SNX29: variants seen among roughly 807,000 people sequenced by gnomAD.
SNX29 encodes sorting nexin-29.
SNX29 carries 78 observed loss-of-function variants against 102.1 expected under a neutral mutation model. That is an observed-to-expected ratio of 0.76 (90% CI 0.64 to 0.92). The LOEUF (loss-of-function observed/expected upper bound fraction) is 0.92, where lower values mean the gene tolerates loss of function less well. Among genes scored for constraint, SNX29 ranks in the 40% least tolerant of loss-of-function variants. The pLI is 0.00. For missense variants in SNX29, 1,280 were observed against 1,061.7 expected, an observed-to-expected ratio of 1.21 and a Z score of -2.86; for synonymous variants, 580 against 414.5, an observed-to-expected ratio of 1.40 and a Z score of -4.85.
In SNX29 at chr16:12,572,775, C is replaced by G; in HGVS notation, c.*4146C>G. The G allele has an allele frequency of 2.8e-6, 3 of 1,063,788 alleles. No homozygotes were observed. Among genetic ancestry groups the G allele is most frequent in the Non-Finnish European group, 3.4e-6 (3 of 878,276 alleles). 65.9% of individuals were successfully genotyped at this position (1,063,788 alleles called of 1,614,324 possible). A position where few individuals can be genotyped will look rare whatever the true frequency, so the allele number is the denominator to read the frequency against. On this transcript the variant is annotated 3_prime_UTR_variant, in exon 21 of 21. Transcript: ENST00000566228. ...CAGCTTCTGGGACCCGAGGAAGACCCCACCTCACTCCTCCTTCCCCAGTAC... is the reference window on the plus strand; with the variant it reads ...CAGCTTCTGGGACCCGAGGAAGACCGCACCTCACTCCTCCTTCCCCAGTAC...
At chr16:12,411,339 T>A (rs1014112909) in intron 18 of SNX29, among the ~76,000 whole-genome samples, 2 of 152,164 alleles carry the variant, frequency 1.3e-5, no homozygotes, top group African/African-American at 4.8e-5. Context: ...CACTTGCCCT[T>A]GTTCTTGCTG....
intron 20 of SNX29, among the ~76,000 whole-genome samples, chr16:12,558,592 T>A (rs12932763): frequency 0.21 from 31,842 of 152,110 alleles, 3,472 homozygotes; most frequent in East Asian, 0.43. Flanking sequence ...CACCTGTCAC[T>A]CTCTGCCACA....
chr16:12,120,033 C>G (rs2053907127), intron 11 of SNX29, among the ~76,000 whole-genome samples: 1 of 152,090 alleles, frequency 6.6e-6, no homozygotes, highest in African/African-American at 2.4e-5. Context: ...AATAGAAACT[C>G]TGGGTGGGCT....
chr16:12,142,383 T>C (rs370597815), intron 13 of SNX29, among the ~76,000 whole-genome samples: 2 of 151,374 alleles, frequency 1.3e-5, no homozygotes, highest in Admixed American at 6.6e-5. Context: ...GGTCTCATGA[T>C]GTACCCCAGA....
At chr16:12,422,595 G>A (rs75840794) in intron 18 of SNX29, among the ~76,000 whole-genome samples, 1,716 of 152,260 alleles carry the variant, frequency 0.011, 41 homozygotes, top group African/African-American at 0.039. Context: ...CCCACCTCCT[G>A]TTGTCTGGGC....
intron 20 of SNX29, among the ~76,000 whole-genome samples, chr16:12,559,621 G>A (rs2078597876): frequency 6.6e-6 from 1 of 151,970 alleles, no homozygotes; most frequent in Admixed American, 6.6e-5. Flanking sequence ...ACGTGACCTT[G>A]CACATGGCCC....
intron 18 of SNX29, among the ~76,000 whole-genome samples, chr16:12,413,259 A>C (rs549058535): frequency 5.6e-4 from 85 of 152,240 alleles, no homozygotes; most frequent in African/African-American, 1.3e-3. Flanking sequence ...AAAACAGTGA[A>C]GGGCATAGCC....
At position 12,511,704 on chromosome 16, in the gene SNX29, C is replaced by T. The variant is rs144621133; in HGVS notation, c.2179-12998C>T. 1.5e-3 allele frequency among the ~76,000 whole-genome samples: 232 copies of T among 150,952 alleles called. 1 individual carries two copies. The highest frequency in any genetic ancestry group is 5.4e-3 in the African/African-American group (222 of 41,112). ...TACCGCGTGAATGCTGTGGTGTAGT[C>T]TCCGAGCTCTTTCATGGGTATTCCT... is the stretch of plus-strand genomic sequence containing the variant. On this transcript the variant is annotated intron_variant, in intron 19 of 20. Transcript: ENST00000566228.
At position 12,547,407 on chromosome 16, in the gene SNX29, T is replaced by G. The variant is rs142914956; in HGVS notation, c.2319-21099T>G. On this transcript the variant is annotated intron_variant, in intron 20 of 20. Coordinates refer to ENST00000566228, the MANE Select transcript of SNX29 (RefSeq NM_032167.5). ...TTGTTATGGGTGATAGAACAGGTAG[T>G]TAGGGGACCATGTGGGCACCCCGGG... Among the ~76,000 whole-genome samples the G allele has an allele frequency of 6.7e-3, 1,017 of 152,192 alleles. 15 individuals carry two copies. The highest frequency in any genetic ancestry group is 0.024 in the African/African-American group (976 of 41,522).
rs2079210501 is a variant in SNX29, at chr16:12,572,573, C to A, written c.*3944C>A. On this transcript the variant is annotated 3_prime_UTR_variant, in exon 21 of 21. Coordinates refer to ENST00000566228, the MANE Select transcript of SNX29 (RefSeq NM_032167.5). ...TCTGGCTCCTCACAGGGAGGTCCAG[C>A]CATGTTCTCTGGGCTCCCAGTGAGC... is the stretch of plus-strand genomic sequence containing the variant. 1 of 1,064,154 alleles carries A rather than the reference C, an allele frequency of 9.4e-7. No individual in the cohort carries two copies. Among genetic ancestry groups the A allele is most frequent in the Non-Finnish European group, 1.1e-6 (1 of 878,494 alleles). The allele number at this position is 1,064,154 out of a possible 1,614,324, so 65.9% of individuals were successfully genotyped here.
chr16:12,486,062 C>A (rs910030106), intron 19 of SNX29, among the ~76,000 whole-genome samples: 2 of 152,208 alleles, frequency 1.3e-5, no homozygotes, highest in African/African-American at 4.8e-5. Flanking sequence ...AAGGCGTCAG[C>A]GAGGCTGCAT....
chr16:12,474,014 C>A (rs2087478479), intron 18 of SNX29, among the ~76,000 whole-genome samples: 1 of 152,134 alleles, frequency 6.6e-6, no homozygotes, highest in East Asian at 1.9e-4. Flanking sequence ...TACAGACTCG[C>A]CGTAAATTCT....
intron 11 of SNX29, among the ~76,000 whole-genome samples, chr16:12,082,288 T>A (rs2051939461): frequency 6.6e-6 from 1 of 152,126 alleles, no homozygotes; most frequent in South Asian, 2.1e-4. Context: ...CAGGCATCCC[T>A]GTGTGCCCTG....
At chr16:12,327,538 T>C (rs1030687309) in intron 15 of SNX29, among the ~76,000 whole-genome samples, 9 of 152,176 alleles carry the variant, frequency 5.9e-5, no homozygotes, top group Non-Finnish European at 1.0e-4. Flanking sequence ...AAGAGGAGAT[T>C]AACAGTCGTG....
At chr16:12,526,738 G>C (rs1442951668) in intron 20 of SNX29, 1 of 457,596 alleles carries the variant, frequency 2.2e-6, no homozygotes, top group Non-Finnish European at 4.2e-6. Context: ...GATGCTGAGA[G>C]TGTGAGCAGG....
intron 19 of SNX29, among the ~76,000 whole-genome samples, chr16:12,492,124 G>A (rs1471500071): frequency 7.9e-5 from 12 of 152,194 alleles, no homozygotes; most frequent in Non-Finnish European, 1.5e-4. Flanking sequence ...CACAATGGTT[G>A]AACTAGTTTA....
intron 18 of SNX29, among the ~76,000 whole-genome samples, chr16:12,452,106 G>A (rs2086326395): frequency 6.6e-6 from 1 of 152,154 alleles, no homozygotes; most frequent in Admixed American, 6.6e-5. Flanking sequence ...CCACCCTGAG[G>A]GATTATCATG....
At chr16:12,107,679 T>G (rs1457821347) in intron 11 of SNX29, among the ~76,000 whole-genome samples, 1 of 152,056 alleles carries the variant, frequency 6.6e-6, no homozygotes, top group Non-Finnish European at 1.5e-5. Context: ...TTGCTGGTTA[T>G]GTGGATAGAA....
Position 12,013,902 on chromosome 16 carries a change from C to T in SNX29, c.122+10859C>T, listed in dbSNP as rs967627693. On this transcript the variant is annotated intron_variant, in intron 3 of 20. Coordinates refer to ENST00000566228, the MANE Select transcript of SNX29 (RefSeq NM_032167.5). ...CTGAGCTCAGGCAATCTACCCGCTT[C>T]GGCCCCCCAAAGTGCTAGGATTACA... Among the ~76,000 whole-genome samples the T allele has an allele frequency of 1.1e-4, 17 of 151,918 alleles. No homozygotes were observed. The East Asian group carries it at 1.2e-3, about 10-fold the overall frequency.
Sources: allele counts gnomAD v4.1 joint callset (sites outside exome capture counted in the v4.1 genomes callset), GRCh38; gene constraint gnomAD v4.1.1; transcripts MANE v1.5; gene names NCBI Gene and HGNC (gene_info 2026-07-23, HGNC 2026-07-21).